MAGI2: variants seen among roughly 807,000 people sequenced by gnomAD.
The protein encoded by MAGI2 is membrane-associated guanylate kinase, WW and PDZ domain-containing protein 2.
A neutral mutation model predicts 133.3 loss-of-function variants in MAGI2; 35 were observed. The observed-to-expected ratio is 0.26, with a 90% confidence interval of 0.20 to 0.35. MAGI2 has a LOEUF of 0.35. Among genes scored for constraint, MAGI2 ranks in the 10% least tolerant of loss-of-function variants. The pLI, the probability that MAGI2 is intolerant of heterozygous loss-of-function variation, is 1.00. For synonymous variants in MAGI2, 729 were observed against 710.6 expected, an observed-to-expected ratio of 1.03 and a Z score of -0.41; for missense variants, 1,636 against 1,863.4, an observed-to-expected ratio of 0.88 and a Z score of 2.25.
At chr7:78,792,387 A>G (rs752333154) in intron 2 of MAGI2, among the ~76,000 whole-genome samples, 1 of 152,240 alleles carries the variant, frequency 6.6e-6, no homozygotes. Context: ...AATTATTTAA[A>G]GCCGCACTTT....
chr7:79,226,074 T>A (rs1210544072), intron 1 of MAGI2, among the ~76,000 whole-genome samples: 1 of 152,190 alleles, frequency 6.6e-6, no homozygotes, highest in East Asian at 1.9e-4. Flanking sequence ...ACTGAAATGA[T>A]GTTTTTCAAT....
intron 6 of MAGI2, among the ~76,000 whole-genome samples, chr7:78,458,093 C>G (rs113608702): frequency 2.0e-5 from 3 of 151,744 alleles, no homozygotes; most frequent in Non-Finnish European, 2.9e-5. Flanking sequence ...GTCAGGAGAT[C>G]GATACCATCC....
At chr7:78,610,860 G>C (rs140306889) in intron 3 of MAGI2, among the ~76,000 whole-genome samples, 1 of 152,136 alleles carries the variant, frequency 6.6e-6, no homozygotes, top group African/African-American at 2.4e-5. Context: ...TTTTGGAAAG[G>C]GAAATAGGGT....
chr7:79,028,297 G>GTA (rs201592550), intron 1 of MAGI2, among the ~76,000 whole-genome samples: 340 of 27,650 alleles, frequency 0.012, 9 homozygotes, highest in African/African-American at 0.021. Context: ...ATATATGTGT[G>GTA]TATATATATA....
chr7:78,932,782 C>A (rs1298647349), intron 2 of MAGI2, among the ~76,000 whole-genome samples: 2 of 152,202 alleles, frequency 1.3e-5, no homozygotes, highest in South Asian at 4.1e-4. Flanking sequence ...AATTCATTGA[C>A]AAGTTTGCCA....
At chr7:78,613,277 C>T (rs1224206313) in intron 3 of MAGI2, among the ~76,000 whole-genome samples, 1 of 152,206 alleles carries the variant, frequency 6.6e-6, no homozygotes, top group African/African-American at 2.4e-5. Flanking sequence ...GCTTCTCTTA[C>T]AGGACAGATA....
chr7:78,767,724 C>A (rs557759441), intron 2 of MAGI2, among the ~76,000 whole-genome samples: 1 of 152,132 alleles, frequency 6.6e-6, no homozygotes, highest in African/African-American at 2.4e-5. Flanking sequence ...AATATGTTTG[C>A]CTGAAACTTA....
chr7:78,804,135 G>T (rs1788309179), intron 2 of MAGI2, among the ~76,000 whole-genome samples: 1 of 152,058 alleles, frequency 6.6e-6, no homozygotes, highest in South Asian at 2.1e-4. Context: ...TTATTTAGAT[G>T]AACAGATACA....
chr7:78,040,960 C>A (rs7796238), intron 21 of MAGI2, among the ~76,000 whole-genome samples: 28,112 of 152,104 alleles, frequency 0.18, 3,418 homozygotes, highest in African/African-American at 0.34. Context: ...TCACTGCCCG[C>A]TTGTGCATCC....
intron 1 of MAGI2, among the ~76,000 whole-genome samples, chr7:79,073,911 T>G (rs1283780459): frequency 6.6e-6 from 1 of 152,062 alleles, no homozygotes; most frequent in Non-Finnish European, 1.5e-5. Flanking sequence ...TCCAGTCTTA[T>G]TCTTATTAAT....
intron 2 of MAGI2, among the ~76,000 whole-genome samples, chr7:78,861,728 GA>G (rs1794169152): frequency 6.6e-6 from 1 of 152,306 alleles, no homozygotes; most frequent in African/African-American, 2.4e-5. Flanking sequence ...GAATATATGA[GA>G]AAGTAATATT....
chr7:78,654,391 C>T (rs1240221248), intron 2 of MAGI2, among the ~76,000 whole-genome samples: 2 of 151,994 alleles, frequency 1.3e-5, no homozygotes, highest in African/African-American at 2.4e-5. Flanking sequence ...ATATCAGCAC[C>T]TCCCAACCTG....
intron 10 of MAGI2, among the ~76,000 whole-genome samples, chr7:78,234,598 T>C: frequency 2.7e-5 from 1 of 37,412 alleles, no homozygotes; most frequent in South Asian, 8.6e-4. Context: ...TATAATATAA[T>C]GAATATATTT....
intron 4 of MAGI2, among the ~76,000 whole-genome samples, chr7:78,511,933 A>G (rs2150559496): frequency 6.7e-6 from 1 of 149,896 alleles, no homozygotes; most frequent in South Asian, 2.1e-4. Context: ...GTCTCTACTA[A>G]AAAAAAAACA....
intron 9 of MAGI2, among the ~76,000 whole-genome samples, chr7:78,281,894 AAAAGG>A (rs984889247): frequency 2.6e-5 from 4 of 151,836 alleles, no homozygotes; most frequent in African/African-American, 9.7e-5. Flanking sequence ...CAAAAAAAAA[AAAAGG>A]AGAAAACTTG....
intron 2 of MAGI2, among the ~76,000 whole-genome samples, chr7:78,712,021 C>A (rs150002353): frequency 6.6e-6 from 1 of 152,234 alleles, no homozygotes; most frequent in East Asian, 1.9e-4. Flanking sequence ...TAAGACCTTC[C>A]TCCACTGGAC....
At chr7:78,297,190 A>C (rs1424447663) in intron 9 of MAGI2, among the ~76,000 whole-genome samples, 1 of 152,212 alleles carries the variant, frequency 6.6e-6, no homozygotes, top group Non-Finnish European at 1.5e-5. Flanking sequence ...GAGGACAAAG[A>C]GCAACTTTAT....
intron 20 of MAGI2, among the ~76,000 whole-genome samples, chr7:78,098,398 C>A (rs1432885033): frequency 2.6e-5 from 4 of 152,056 alleles, no homozygotes; most frequent in African/African-American, 9.7e-5. Context: ...TACGTTGTTG[C>A]AATTTAGCAA....
chr7:78,809,686 G>T (rs926901531), intron 2 of MAGI2, among the ~76,000 whole-genome samples: 1 of 151,672 alleles, frequency 6.6e-6, no homozygotes, highest in Non-Finnish European at 1.5e-5. Flanking sequence ...ACAGAAAATC[G>T]ATGTTATTTA....
Sources: gnomAD v4.1 joint callset for allele counts (sites outside exome capture counted in the v4.1 genomes callset) on GRCh38, gnomAD v4.1.1 for gene constraint, MANE v1.5 for transcripts, NCBI Gene and HGNC (gene_info 2026-07-23, HGNC 2026-07-21) for gene names.